The following EHMT1 variants were observed in gnomAD, a reference collection of about 807,000 sequenced individuals.
The protein encoded by EHMT1 is euchromatic histone lysine methyltransferase 1.
Under a neutral mutation model 147.2 loss-of-function variants are expected in EHMT1, and 15 were observed. That is an observed-to-expected ratio of 0.10 (90% CI 0.07 to 0.16). EHMT1 has a LOEUF of 0.16. EHMT1 is among the 10% of genes least tolerant of loss of function. The pLI is 1.00. For missense variants in EHMT1, 1,587 were observed against 1,772.4 expected (o/e 0.90, Z 1.88); for synonymous variants, 795 against 709.6 (o/e 1.12, Z -1.91).
At chr9:137,800,838 C>G in intron 17 of EHMT1, 42 bp from the exon 18 acceptor site, 1 of 1,586,168 alleles carries the variant, frequency 6.3e-7, no homozygotes, top group Non-Finnish European at 8.7e-7. Context: ...TGGTGGTTGC[C>G]GGTCTCTGGA....
intron 15 of EHMT1, chr9:137,784,760 G>A (rs1951824558): frequency 6.5e-6 from 1 of 152,906 alleles, no homozygotes; most frequent in Non-Finnish European, 1.5e-5. Context: ...TGGAGGCTGA[G>A]AGGAAAGTGT....
chr9:137,779,229 C>T (rs767622006), intron 13 of EHMT1, among the ~76,000 whole-genome samples: 2 of 152,258 alleles, frequency 1.3e-5, no homozygotes, highest in Non-Finnish European at 2.9e-5. Context: ...TTCTGTAGTG[C>T]GAGCTGTGCC....
At chr9:137,799,852 C>T (rs988014619) in intron 17 of EHMT1, among the ~76,000 whole-genome samples, 4 of 152,356 alleles carry the variant, frequency 2.6e-5, no homozygotes, top group African/African-American at 4.8e-5. Context: ...GTCGGAGCCC[C>T]GCCTGGTCCC....
chr9:137,669,677 A>C (rs1178706050), intron 1 of EHMT1, among the ~76,000 whole-genome samples: 2 of 151,224 alleles, frequency 1.3e-5, no homozygotes, highest in African/African-American at 4.9e-5. Context: ...CCTTTAGTAC[A>C]CAGACTTGTG....
chr9:137,672,048 T>C (rs2134302070), intron 1 of EHMT1, among the ~76,000 whole-genome samples: 1 of 152,354 alleles, frequency 6.6e-6, no homozygotes, highest in Non-Finnish European at 1.5e-5. Context: ...GGGCTCCGGC[T>C]ACATACAGAT....
At chr9:137,646,181 A>C (rs1244743877) in intron 1 of EHMT1, among the ~76,000 whole-genome samples, 3 of 152,088 alleles carry the variant, frequency 2.0e-5, no homozygotes, top group Non-Finnish European at 4.4e-5. Flanking sequence ...GCTGGTCTTG[A>C]TCTCCTGGCC....
chr9:137,739,138 G>A (rs1338254387), intron 4 of EHMT1, among the ~76,000 whole-genome samples: 2 of 151,692 alleles, frequency 1.3e-5, no homozygotes, highest in Non-Finnish European at 1.5e-5. Flanking sequence ...TTGGGAGGCC[G>A]AAGCAGGCAG....
intron 1 of EHMT1, chr9:137,646,405 C>T (rs539982016): frequency 2.2e-4 from 219 of 985,414 alleles, no homozygotes; most frequent in South Asian, 6.1e-4. Flanking sequence ...GGGGAGAGGA[C>T]GAGGGACTCA....
intron 1 of EHMT1, chr9:137,664,845 A>G (rs1421130711): frequency 2.0e-5 from 3 of 152,150 alleles, no homozygotes; most frequent in African/African-American, 4.8e-5. Context: ...CTACATTTGA[A>G]CTTGGAGTCC....
chr9:137,783,679 T>C (rs753120826), intron 15 of EHMT1, among the ~76,000 whole-genome samples: 2 of 152,106 alleles, frequency 1.3e-5, no homozygotes, highest in Non-Finnish European at 2.9e-5. Flanking sequence ...CCCCACTGTC[T>C]GGGAAGGACC....
At chr9:137,814,283 T>A in intron 21 of EHMT1, 148 bp from the exon 22 acceptor site, 1 of 823,794 alleles carries the variant, frequency 1.2e-6, no homozygotes, top group African/African-American at 1.7e-5. Flanking sequence ...CACAGCCTTC[T>A]CCCTAAGAGG....
intron 1 of EHMT1, among the ~76,000 whole-genome samples, chr9:137,631,724 A>G (rs969813392): frequency 2.9e-4 from 44 of 152,104 alleles, no homozygotes; most frequent in Admixed American, 1.9e-3. Flanking sequence ...AAAAATAATG[A>G]AAAATTAGTT....
At chr9:137,623,346 T>A (rs940193345) in intron 1 of EHMT1, among the ~76,000 whole-genome samples, 2 of 152,040 alleles carry the variant, frequency 1.3e-5, no homozygotes, top group African/African-American at 2.4e-5. Context: ...TGGAACACAC[T>A]CTCCGTTAGC....
intron 4 of EHMT1, among the ~76,000 whole-genome samples, chr9:137,734,338 A>G (rs1947354633): frequency 6.6e-6 from 1 of 152,244 alleles, no homozygotes; most frequent in Admixed American, 6.5e-5. Flanking sequence ...AAAAAGTATA[A>G]TAAGTGAAAT....
At chr9:137,649,353 C>T (rs925605828) in intron 1 of EHMT1, among the ~76,000 whole-genome samples, 26 of 152,070 alleles carry the variant, frequency 1.7e-4, no homozygotes, top group African/African-American at 4.6e-4. Flanking sequence ...CCAGATACTG[C>T]GGAGGCCGAG....
At position 137,744,337 on chromosome 9, in the gene EHMT1, T is replaced by G. The variant is rs114445542; in HGVS notation, c.1170+247T>G. 5.5e-3 allele frequency among the ~76,000 whole-genome samples: 831 copies of G among 152,298 alleles called. 8 individuals carry two copies. The highest frequency in any genetic ancestry group is 0.018 in the African/African-American group (733 of 41,536). ...TTTTCTGTGTTTTCTTTCTTTCTTT[T>G]TTTTGAGACAGGGTCTTGTTTTCAC... On this transcript the variant is annotated intron_variant, in intron 6 of 26. Coordinates refer to ENST00000460843, the MANE Select transcript of EHMT1 (RefSeq NM_024757.5).
intron 18 of EHMT1, chr9:137,803,114 G>C: frequency 1.6e-6 from 2 of 1,229,368 alleles, no homozygotes; most frequent in Non-Finnish European, 2.0e-6. Context: ...GCCTGTCCAG[G>C]TGTCAGAGCT....
intron 1 of EHMT1, among the ~76,000 whole-genome samples, chr9:137,669,838 C>T (rs1361155403): frequency 6.6e-6 from 1 of 152,100 alleles, no homozygotes; most frequent in Non-Finnish European, 1.5e-5. Context: ...CAGGTGTGAG[C>T]CATGATGCCT....
intron 25 of EHMT1, among the ~76,000 whole-genome samples, chr9:137,821,908 A>G (rs1357598618): frequency 6.6e-6 from 1 of 152,168 alleles, no homozygotes; most frequent in Non-Finnish European, 1.5e-5. Flanking sequence ...TTTTAAATCA[A>G]ATAGGTTTTT....
Sources: gnomAD v4.1 joint callset for allele counts (sites outside exome capture counted in the v4.1 genomes callset) on GRCh38, gnomAD v4.1.1 for gene constraint, MANE v1.5 for transcripts, NCBI Gene and HGNC (gene_info 2026-07-23, HGNC 2026-07-21) for gene names.